SOS1: variants seen among roughly 807,000 people sequenced by gnomAD.
The protein encoded by SOS1 is son of sevenless homolog 1.
In SOS1, 25 loss-of-function variants were observed where a neutral mutation model predicts 157.6. That is an observed-to-expected ratio of 0.16 (90% confidence interval 0.12 to 0.22). SOS1 has a LOEUF of 0.22. Among genes scored for constraint, SOS1 ranks in the 10% least tolerant of loss-of-function variants. The pLI, the probability that SOS1 is intolerant of heterozygous loss-of-function variation, is 1.00. For synonymous variants in SOS1, 528 were observed against 534.0 expected (o/e 0.99, Z 0.16); for missense variants, 1,237 against 1,599.1 (o/e 0.77, Z 3.86).
At position 39,051,285 on chromosome 2, in the gene SOS1, A is replaced by C; in HGVS notation, c.723T>G (p.Asp241Glu). The C allele has an allele frequency of 6.2e-7, 1 of 1,610,852 alleles. No individual in the cohort carries two copies. The highest frequency in any genetic ancestry group is 8.5e-7 in the Non-Finnish European group (1 of 1,177,374). Residue 241 changes from aspartate to glutamate, a missense_variant and splice_region_variant, in exon 6 of 23, where the codon GAT becomes GAG. Coordinates refer to ENST00000402219, the MANE Select transcript of SOS1 (RefSeq NM_005633.4). Reference sequence around the variant, plus strand: ...CTATGCGACTAAATATATTTTCTACATCCTGTTTGGGGGAAAACACATTAA... The same window carrying C: ...CTATGCGACTAAATATATTTTCTACCTCCTGTTTGGGGGAAAACACATTAA... ...VSNSKLFSANDVENIFSRIVD... is the reference protein window; with the variant it reads ...VSNSKLFSANEVENIFSRIVD...
rs753874333 is a variant in SOS1, at chr2:38,985,865, T to A, written c.3961A>T (p.Arg1321Ter). 6.2e-7 allele frequency: 1 copy of A among 1,613,862 alleles called. No individual in the cohort carries two copies. The highest frequency in any genetic ancestry group is 8.5e-7 in the Non-Finnish European group (1 of 1,179,814). ...TTCTCCAACAGTGGTGGTCCATCTCTGTGCATGGATGGGTGTGTGTGCTCC... is the reference window on the plus strand; with the variant it reads ...TTCTCCAACAGTGGTGGTCCATCTCAGTGCATGGATGGGTGTGTGTGCTCC... ...KREHTHPSMH[R>*]DGPPLLENAH... The change falls in exon 23 of 23, where the codon AGA becomes TGA. Residue 1321 changes from arginine (R) to a stop codon, truncating the protein, a stop_gained. Transcript: ENST00000402219. LOFTEE classifies it high-confidence loss of function.
chr2:39,123,314 C>T (rs1673959841), upstream of SOS1, among the ~76,000 whole-genome samples: 1 of 152,076 alleles, frequency 6.6e-6, no homozygotes, highest in African/African-American at 2.4e-5. Flanking sequence ...CCCTCCTGCC[C>T]CCAAATAAAA....
intron 1 of SOS1, among the ~76,000 whole-genome samples, chr2:39,101,151 G>C (rs949696757): frequency 6.6e-6 from 1 of 152,134 alleles, no homozygotes; most frequent in Non-Finnish European, 1.5e-5. Flanking sequence ...GAGCCAAAGG[G>C]GGAGCAAATG....
At chr2:39,068,189 C>G (rs557683320) in intron 1 of SOS1, among the ~76,000 whole-genome samples, 2 of 152,138 alleles carry the variant, frequency 1.3e-5, no homozygotes, top group Admixed American at 1.3e-4. Context: ...TGATACTGAC[C>G]TAGAAGTCAG....
intron 1 of SOS1, among the ~76,000 whole-genome samples, chr2:39,110,870 G>A (rs1212018328): frequency 1.3e-5 from 2 of 152,240 alleles, no homozygotes; most frequent in African/African-American, 4.8e-5. Flanking sequence ...GGAGGCTGAA[G>A]CGGGTAGATC....
intron 1 of SOS1, among the ~76,000 whole-genome samples, chr2:39,081,855 T>C (rs186083232): frequency 6.8e-4 from 103 of 152,178 alleles, no homozygotes; most frequent in African/African-American, 2.4e-3. Flanking sequence ...AATTAATAAA[T>C]ATTGGTAAAT....
At chr2:39,117,883 C>A (rs1038630421) in intron 1 of SOS1, among the ~76,000 whole-genome samples, 1 of 152,126 alleles carries the variant, frequency 6.6e-6, no homozygotes, top group East Asian at 1.9e-4. Flanking sequence ...TCAAATGTAA[C>A]AATAAAGCCA....
chr2:39,035,594 T>C (rs1467027241), intron 6 of SOS1, 94 bp from the exon 7 acceptor site: 6 of 885,718 alleles, frequency 6.8e-6, no homozygotes, highest in Non-Finnish European at 1.1e-5. Flanking sequence ...CACAATTATG[T>C]ATGTCTTTGA....
intron 17 of SOS1, among the ~76,000 whole-genome samples, chr2:39,002,549 T>A (rs1054261497): frequency 1.3e-5 from 2 of 152,186 alleles, no homozygotes; most frequent in African/African-American, 4.8e-5. Context: ...GTGAGCAGAC[T>A]GACTGTGTAT....
chr2:39,057,605 G>A (rs1280443935), intron 3 of SOS1, among the ~76,000 whole-genome samples: 2 of 151,530 alleles, frequency 1.3e-5, no homozygotes, highest in Middle Eastern at 3.2e-3. Flanking sequence ...AACTAATAAG[G>A]GTATCATGAT....
At chr2:39,035,628 GACT>G (rs1254913283) in intron 6 of SOS1, 128 bp from the exon 7 acceptor site, 49 of 687,086 alleles carry the variant, frequency 7.1e-5, no homozygotes, top group South Asian at 2.3e-4. Context: ...AAAATTATAT[GACT>G]ACTAATTATA....
chr2:39,101,172 C>G (rs1672952924), intron 1 of SOS1, among the ~76,000 whole-genome samples: 1 of 152,062 alleles, frequency 6.6e-6, no homozygotes, highest in Non-Finnish European at 1.5e-5. Flanking sequence ...TGTCACATGG[C>G]AAGAGAGAGG....
chr2:39,073,936 C>T (rs1321741917), intron 1 of SOS1, among the ~76,000 whole-genome samples: 3 of 152,122 alleles, frequency 2.0e-5, no homozygotes, highest in Non-Finnish European at 2.9e-5. Context: ...TAATAAAGAT[C>T]GGAATAATCA....
At chr2:39,043,088 G>A (rs1205314525) in intron 6 of SOS1, among the ~76,000 whole-genome samples, 1 of 152,048 alleles carries the variant, frequency 6.6e-6, no homozygotes, top group Non-Finnish European at 1.5e-5. Context: ...TCTTAGTTTT[G>A]CTATAGTTTA....
In SOS1 at chr2:39,120,575, G is replaced by A. The variant is rs1673840829; in HGVS notation, c.-153C>T. 2.2e-6 allele frequency: 2 copies of A among 912,450 alleles called. No individual in the cohort carries two copies. The highest frequency in any genetic ancestry group is 5.8e-5 in the Admixed American group (1 of 17,360). The allele number at this position is 912,450 out of a possible 1,614,324, so 56.5% of individuals were successfully genotyped here. ...GCCGCGCAGCCGGGCTAGCCCTGGC[G>A]AGGGGGCTGGGGGGCGAGGCCCGCG... On this transcript the variant is annotated 5_prime_UTR_variant, in exon 1 of 23. Coordinates refer to ENST00000402219, the MANE Select transcript of SOS1 (RefSeq NM_005633.4).
intron 1 of SOS1, 108 bp downstream of exon 1, chr2:39,120,228 G>C: frequency 2.0e-6 from 2 of 1,008,538 alleles, no homozygotes; most frequent in Non-Finnish European, 2.7e-6. Flanking sequence ...GAGACGCGGC[G>C]AGACCGGGAA....
intron 1 of SOS1, among the ~76,000 whole-genome samples, chr2:39,100,667 G>T (rs969857845): frequency 6.6e-6 from 1 of 152,204 alleles, no homozygotes; most frequent in Non-Finnish European, 1.5e-5. Context: ...TGTGATCCAA[G>T]CAGTTTGGGA....
intron 3 of SOS1, among the ~76,000 whole-genome samples, chr2:39,058,209 C>CT (rs1434806220): frequency 6.6e-6 from 1 of 151,992 alleles, no homozygotes; most frequent in Non-Finnish European, 1.5e-5. Flanking sequence ...AACTGACTGA[C>CT]TGACTTATTT....
chr2:39,102,509 C>A (rs1572893747), intron 1 of SOS1, among the ~76,000 whole-genome samples: 1 of 91,098 alleles, frequency 1.1e-5, no homozygotes, highest in Admixed American at 1.9e-4. Context: ...CCAGCCTGGG[C>A]AACAGAGCAA....
Sources: allele counts gnomAD v4.1 joint callset (sites outside exome capture counted in the v4.1 genomes callset), GRCh38; gene constraint gnomAD v4.1.1; transcripts MANE v1.5; gene names NCBI Gene and HGNC (gene_info 2026-07-23, HGNC 2026-07-21).